Variants in ZBTB20 observed in about 807,000 individuals in gnomAD.
ZBTB20 encodes the protein zinc finger and BTB domain-containing protein 20.
ZBTB20 carries 9 observed loss-of-function variants against 56.9 expected under a neutral mutation model. The ratio of observed to expected loss-of-function variants is 0.16; its 90% CI spans 0.10 to 0.28. The LOEUF is 0.28. Ranked by LOEUF, ZBTB20 falls within the 10% of genes least tolerant of loss-of-function variation. The pLI is 1.00. For synonymous variants in ZBTB20, 417 were observed against 420.7 expected (o/e 0.99, Z 0.11); for missense variants, 655 against 1,003.0 (o/e 0.65, Z 4.69).
intron 3 of ZBTB20, among the ~76,000 whole-genome samples, chr3:114,960,056 T>C (rs1470854516): frequency 6.6e-6 from 1 of 152,204 alleles, no homozygotes; most frequent in Non-Finnish European, 1.5e-5. Flanking sequence ...AACAGGAAGA[T>C]ACACGAAAAG....
At chr3:115,034,474 A>C (rs570388140) in intron 2 of ZBTB20, among the ~76,000 whole-genome samples, 4 of 152,044 alleles carry the variant, frequency 2.6e-5, no homozygotes, top group Admixed American at 1.3e-4. Flanking sequence ...AAAACTAAGA[A>C]AACAATTCCA....
At chr3:114,904,567 A>C (rs1393875559) in intron 3 of ZBTB20, among the ~76,000 whole-genome samples, 2 of 152,018 alleles carry the variant, frequency 1.3e-5, no homozygotes, top group Non-Finnish European at 2.9e-5. Flanking sequence ...GTTATTATAA[A>C]ATGTACACTT....
rs957630625 is a variant in ZBTB20 at position 114,712,982 on chromosome 3, C to T, written c.-342-19407G>A. On this transcript the variant is annotated intron_variant, in intron 5 of 11. Coordinates refer to ENST00000675478, the MANE Select transcript of ZBTB20 (RefSeq NM_001348800.3). ...CTGCTAAGCTGGTTATCAGCTATTC[C>T]GATGTATCTATATGTAGGATCTATA... is the stretch of plus-strand genomic sequence containing the variant. Among the ~76,000 whole-genome samples the T allele has an allele frequency of 7.9e-5, 12 of 152,044 alleles. 1 individual carries two copies. Among genetic ancestry groups the T allele is most frequent in the African/African-American group, 2.2e-4 (9 of 41,484 alleles).
chr3:115,138,293 T>C (rs2084708096), intron 1 of ZBTB20, among the ~76,000 whole-genome samples: 1 of 152,020 alleles, frequency 6.6e-6, no homozygotes, highest in Admixed American at 6.6e-5. Context: ...CTGTTGCAAA[T>C]AGAACTAAAT....
At chr3:114,425,814 T>C (rs2089596365) in intron 7 of ZBTB20, among the ~76,000 whole-genome samples, 2 of 152,338 alleles carry the variant, frequency 1.3e-5, no homozygotes, top group South Asian at 4.1e-4. Flanking sequence ...ATAAAAAGCA[T>C]TCTCTCTTTC....
chr3:114,473,161 C>G (rs2040339514), intron 7 of ZBTB20, among the ~76,000 whole-genome samples: 1 of 152,240 alleles, frequency 6.6e-6, no homozygotes, highest in African/African-American at 2.4e-5. Flanking sequence ...TGGTGAACAG[C>G]ACGCTTTATG....
chr3:114,722,927 T>C (rs1329193529), intron 5 of ZBTB20, among the ~76,000 whole-genome samples: 1 of 152,200 alleles, frequency 6.6e-6, no homozygotes, highest in African/African-American at 2.4e-5. Context: ...TCAGATGAAG[T>C]GAATTTCACT....
rs534010796 is a variant in ZBTB20 at position 114,432,533 on chromosome 3, A to C, written c.-254-43428T>G. 4.6e-4 allele frequency among the ~76,000 whole-genome samples: 70 copies of C among 152,316 alleles called. 1 individual carries two copies. In the South Asian group the frequency reaches 5.4e-3, roughly 12 times the overall value. ...AAAGCAGGTGTGTGCTATGCCTCTC[A>C]CTTCAGTAGCATGCACGCCACATGT... On this transcript the variant is annotated intron_variant, in intron 7 of 11. Transcript: ENST00000675478.
chr3:114,793,858 A>G (rs1238066507), intron 5 of ZBTB20, among the ~76,000 whole-genome samples: 1 of 152,096 alleles, frequency 6.6e-6, no homozygotes, highest in Non-Finnish European at 1.5e-5. Flanking sequence ...TATGACATCA[A>G]TCTACAGTCA....
At position 114,350,708 on chromosome 3, in the gene ZBTB20, A is replaced by G; in HGVS notation, c.1370T>C (p.Leu457Pro). The change falls in exon 11 of 12, where the codon CTA becomes CCA. Residue 457 changes from leucine to proline, a missense_variant. By Grantham distance (98) the Leu-to-Pro change is moderately conservative (BLOSUM62 -3). Transcript: ENST00000675478. ...TVSNSSDKSVLQQPSVNTSIG... is the reference protein window; with the variant it reads ...TVSNSSDKSVPQQPSVNTSIG... ...GGACGTGTTGACCGAAGGCTGTTGT[A>G]GGACGCTCTTGTCGGAGCTGTTGCT... 1 of 1,614,196 alleles carries G rather than the reference A, an allele frequency of 6.2e-7. No homozygotes were observed.
chr3:114,978,893 TTA>T (rs2078216197), intron 2 of ZBTB20, among the ~76,000 whole-genome samples: 1 of 151,740 alleles, frequency 6.6e-6, no homozygotes, highest in African/African-American at 2.4e-5. Context: ...AAAATTTAAT[TTA>T]TATTATTAGA....
chr3:114,831,019 C>T (rs676434), intron 4 of ZBTB20, among the ~76,000 whole-genome samples: 148,697 of 150,354 alleles, frequency 0.99, 73,554 homozygotes, highest in Middle Eastern at 1. Flanking sequence ...CTTTGCTCTA[C>T]AGTCATTGAG....
intron 6 of ZBTB20, among the ~76,000 whole-genome samples, chr3:114,552,790 G>C (rs2718440): frequency 0.78 from 118,435 of 152,050 alleles, 46,731 homozygotes; most frequent in East Asian, 0.93. Flanking sequence ...AAGCTAGACA[G>C]AAAGGCCAGG....
At chr3:114,592,462 TA>T (rs2055869979) in intron 6 of ZBTB20, among the ~76,000 whole-genome samples, 1 of 152,220 alleles carries the variant, frequency 6.6e-6, no homozygotes, top group South Asian at 2.1e-4. Context: ...ATAGAATTAT[TA>T]AAAATGGTTG....
intron 7 of ZBTB20, among the ~76,000 whole-genome samples, chr3:114,482,278 C>T (rs1246447321): frequency 6.6e-6 from 1 of 152,128 alleles, no homozygotes; most frequent in African/African-American, 2.4e-5. Flanking sequence ...TCTCAGACAT[C>T]TCAGGGAATT....
intron 1 of ZBTB20, among the ~76,000 whole-genome samples, chr3:115,144,361 T>G (rs1437609803): frequency 6.6e-6 from 1 of 152,194 alleles, no homozygotes; most frequent in Admixed American, 6.5e-5. Flanking sequence ...AAAGTCCAAT[T>G]TGTCTAAAAA....
chr3:115,066,384 A>G (rs2082207915), intron 2 of ZBTB20, among the ~76,000 whole-genome samples: 1 of 151,930 alleles, frequency 6.6e-6, no homozygotes, highest in Non-Finnish European at 1.5e-5. Flanking sequence ...CCGATACAGT[A>G]CCCAAATCTT....
intron 6 of ZBTB20, among the ~76,000 whole-genome samples, chr3:114,655,242 CTTTTT>C (rs3085998): frequency 1.1e-5 from 1 of 91,676 alleles, no homozygotes; most frequent in East Asian, 2.6e-4. Flanking sequence ...TTTTCCTTTC[CTTTTT>C]TTTTTTTTTT....
intron 3 of ZBTB20, among the ~76,000 whole-genome samples, chr3:114,935,747 T>G (rs1370819191): frequency 6.6e-6 from 1 of 152,260 alleles, no homozygotes; most frequent in Non-Finnish European, 1.5e-5. Context: ...CTTCAGCTCC[T>G]GTGCTATTTG....
Sources: gnomAD v4.1 joint callset for allele counts (sites outside exome capture counted in the v4.1 genomes callset) on GRCh38, gnomAD v4.1.1 for gene constraint, MANE v1.5 for transcripts, NCBI Gene and HGNC (gene_info 2026-07-23, HGNC 2026-07-21) for gene names.